The following FTCDNL1 variants were observed in gnomAD, a reference collection of about 807,000 sequenced individuals.
The protein encoded by FTCDNL1 is formiminotransferase cyclodeaminase N-terminal like.
In FTCDNL1, 11 loss-of-function variants were observed where a neutral mutation model predicts 5.9. The ratio of observed to expected loss-of-function variants is 1.87; its 90% CI spans 1.18 to 3.10. The LOEUF (loss-of-function observed/expected upper bound fraction) is 3.10. Among genes scored for constraint, FTCDNL1 ranks in the 30% most tolerant of loss-of-function variants. FTCDNL1 has a pLI of 0.00. For synonymous variants in FTCDNL1, 58 were observed against 24.8 expected (o/e 2.34, Z -3.99); for missense variants, 115 against 65.5 (o/e 1.76, Z -2.61).
At chr2:199,789,121 G>T (rs975384729) in intron 3 of FTCDNL1, among the ~76,000 whole-genome samples, 1 of 151,386 alleles carries the variant, frequency 6.6e-6, no homozygotes, top group East Asian at 1.9e-4. Flanking sequence ...GAAAAAAAGT[G>T]AAAGTTCTTG....
At position 199,819,597 on chromosome 2, in the gene FTCDNL1, G is replaced by C; in HGVS notation, c.372C>G (p.Ala124=). Residue 124 remains alanine, a synonymous_variant, in exon 4 of 5, where the codon GCC becomes GCG. Coordinates refer to ENST00000420128, the MANE Select transcript of FTCDNL1 (RefSeq NM_001363886.2). ...FSALQPDLGA[A]PSQRCGLTAC... ...CTGTTAAACCACATCTTTGGGAAGGGGCAGCTCCCAGGTCAGGCTGAAGAG... is the reference window on the plus strand; with the variant it reads ...CTGTTAAACCACATCTTTGGGAAGGCGCAGCTCCCAGGTCAGGCTGAAGAG... 1 of 701,924 alleles carries C rather than the reference G, an allele frequency of 1.4e-6. No homozygotes were observed. The allele number at this position is 701,924 out of a possible 1,614,324, so 43.5% of individuals were successfully genotyped here.
chr2:199,828,597 C>T (rs965440260), intron 3 of FTCDNL1, among the ~76,000 whole-genome samples: 37 of 152,288 alleles, frequency 2.4e-4, no homozygotes, highest in African/African-American at 7.9e-4. Context: ...CCTCCCTCTC[C>T]GGGAATTCAT....
At chr2:199,849,253 T>C (rs1423049133) in intron 1 of FTCDNL1, among the ~76,000 whole-genome samples, 1 of 152,220 alleles carries the variant, frequency 6.6e-6, no homozygotes, top group Non-Finnish European at 1.5e-5. Flanking sequence ...TTCATTAAAG[T>C]ATGTTATCCC....
At chr2:199,812,902 C>T (rs2030653) in intron 4 of FTCDNL1, among the ~76,000 whole-genome samples, 178 bp from the exon 5 acceptor site, 125,852 of 152,226 alleles carry the variant, frequency 0.83, 52,129 homozygotes, top group Admixed American at 0.89. Context: ...GGCCTGATGT[C>T]TTCCTGACAA....
chr2:199,761,751 T>C (rs1396498600), intron 3 of FTCDNL1, among the ~76,000 whole-genome samples: 1 of 152,164 alleles, frequency 6.6e-6, no homozygotes, highest in East Asian at 1.9e-4. Flanking sequence ...GGGTCCTGTC[T>C]TCAGGATTTT....
intron 3 of FTCDNL1, among the ~76,000 whole-genome samples, chr2:199,781,095 T>G (rs993586876): frequency 6.6e-6 from 1 of 152,330 alleles, no homozygotes; most frequent in Middle Eastern, 3.4e-3. Flanking sequence ...TCATATGATA[T>G]TCAAGGCTCT....
At chr2:199,840,774 G>A (rs888949049) in intron 3 of FTCDNL1, among the ~76,000 whole-genome samples, 2 of 151,962 alleles carry the variant, frequency 1.3e-5, no homozygotes, top group Non-Finnish European at 2.9e-5. Flanking sequence ...TTAGCTACAT[G>A]CCTGTATCAT....
intron 3 of FTCDNL1, among the ~76,000 whole-genome samples, chr2:199,800,254 C>G (rs1422713564): frequency 6.6e-6 from 1 of 152,142 alleles, no homozygotes; most frequent in Non-Finnish European, 1.5e-5. Flanking sequence ...GGTCCTGAAA[C>G]TTACAAGATA....
intron 3 of FTCDNL1, among the ~76,000 whole-genome samples, chr2:199,831,505 A>G (rs1227674586): frequency 2.0e-5 from 3 of 152,238 alleles, no homozygotes; most frequent in Non-Finnish European, 4.4e-5. Flanking sequence ...AAATAGAACT[A>G]TATGTAATAC....
intron 3 of FTCDNL1, among the ~76,000 whole-genome samples, chr2:199,830,833 C>T (rs1474194619): frequency 6.6e-6 from 1 of 152,094 alleles, no homozygotes; most frequent in African/African-American, 2.4e-5. Flanking sequence ...CTGACTAGAA[C>T]TGGATGTTAT....
At chr2:199,715,271 T>G in the FTCDNL1 span, among the ~76,000 whole-genome samples, 1 of 152,130 alleles carries the variant, frequency 6.6e-6, no homozygotes, top group African/African-American at 2.4e-5. Flanking sequence ...ATATGTGATA[T>G]GGTTTGGCTG....
At position 199,811,596 on chromosome 2, in the gene FTCDNL1, T is replaced by A. The variant is rs573821370; in HGVS notation, c.*1109A>T. 2.0e-5 allele frequency among the ~76,000 whole-genome samples: 3 copies of A among 152,354 alleles called. No individual in the cohort carries two copies. The East Asian group carries it at 5.8e-4, about 29-fold the overall frequency. On this transcript the variant is annotated 3_prime_UTR_variant, in exon 5 of 5. Transcript: ENST00000420128. Reference sequence around the variant, plus strand: ...CATTCAGTTATTCACATGCAATTCATCAGCCTGAGGGAGCAAGTCACTTTC... The same window carrying A: ...CATTCAGTTATTCACATGCAATTCAACAGCCTGAGGGAGCAAGTCACTTTC...
chr2:199,799,354 C>A (rs1445360099), intron 3 of FTCDNL1, among the ~76,000 whole-genome samples: 1 of 152,236 alleles, frequency 6.6e-6, no homozygotes, highest in Non-Finnish European at 1.5e-5. Flanking sequence ...TGGCCACACA[C>A]TGCCACTCGA....
At position 199,822,882 on chromosome 2, in the gene FTCDNL1, CT is replaced by C. The variant is rs563083485; in HGVS notation, c.212-3126del. 2.2e-4 allele frequency among the ~76,000 whole-genome samples: 33 copies of C among 152,206 alleles called. No homozygotes were observed. The South Asian group carries it at 6.6e-3, about 31-fold the overall frequency. ...TTGTTTGTTTTGGAGACAGCATCTT[CT>C]TCTGTCACCCAGGCTGGAGTGCACT... On this transcript the variant is annotated intron_variant, in intron 3 of 4. Transcript: ENST00000420128.
At chr2:199,760,667 G>A (rs1698226822) in exon 4 of FTCDNL1, 1 of 597,524 alleles carries the variant, frequency 1.7e-6, no homozygotes. Flanking sequence ...TAGTAATTCT[G>A]GGTATGGTAT....
At chr2:199,727,910 G>T in the FTCDNL1 span, among the ~76,000 whole-genome samples, 1 of 152,110 alleles carries the variant, frequency 6.6e-6, no homozygotes, top group East Asian at 1.9e-4. Context: ...CCACATACCC[G>T]TGTGACTTGG....
At chr2:199,833,006 G>C (rs978583472) in intron 3 of FTCDNL1, among the ~76,000 whole-genome samples, 3 of 147,344 alleles carry the variant, frequency 2.0e-5, no homozygotes, top group Admixed American at 6.8e-5. Flanking sequence ...GTCTTCCTCT[G>C]TTTCCCAGGC....
At chr2:199,698,636 A>G in the FTCDNL1 span, among the ~76,000 whole-genome samples, 1 of 152,196 alleles carries the variant, frequency 6.6e-6, no homozygotes, top group African/African-American at 2.4e-5. Flanking sequence ...AGTGTTGAGA[A>G]GGAAATTTAT....
chr2:199,735,710 C>T, the FTCDNL1 span, among the ~76,000 whole-genome samples: 6 of 152,136 alleles, frequency 3.9e-5, no homozygotes, highest in East Asian at 5.8e-4. Context: ...GGTATGCAGA[C>T]GCCATAGCTG....
Sources: gnomAD v4.1 joint callset for allele counts (sites outside exome capture counted in the v4.1 genomes callset) on GRCh38, gnomAD v4.1.1 for gene constraint, MANE v1.5 for transcripts, NCBI Gene and HGNC (gene_info 2026-07-23, HGNC 2026-07-21) for gene names.